DNAI3: variants seen among roughly 807,000 people sequenced by gnomAD.
DNAI3 encodes the protein dynein axonemal intermediate chain 3, also known as WD repeat domain 63.
DNAI3 carries 83 observed loss-of-function variants against 115.5 expected under a neutral mutation model. The observed-to-expected ratio is 0.72, with a 90% CI of 0.60 to 0.86. The LOEUF (loss-of-function observed/expected upper bound fraction) is 0.86. DNAI3 is among the 40% of genes least tolerant of loss of function. The pLI is 0.00. For synonymous variants in DNAI3, 320 were observed against 347.0 expected (o/e 0.92, Z 0.86); for missense variants, 1,004 against 1,075.8 (o/e 0.93, Z 0.93).
In DNAI3 at chr1:85,126,535, T is replaced by C. The variant is rs1387564252; in HGVS notation, c.2137T>C (p.Cys713Arg). 1.9e-6 allele frequency: 3 copies of C among 1,614,020 alleles called. No homozygotes were observed. Among genetic ancestry groups the C allele is most frequent in the South Asian group, 1.1e-5 (1 of 91,090 alleles). Residue 713 changes from cysteine (C) to arginine (R), a missense_variant, in exon 20 of 23, where the codon TGT becomes CGT. Around this residue, in one of 3 missense-constraint regions of DNAI3, gnomAD observed 429 missense variants for 454.3 expected, o/e 0.94. Coordinates refer to ENST00000294664, the MANE Select transcript of DNAI3 (RefSeq NM_145172.5). ...VMTGPLLQSC[C>R]APKRYTSGHW... is the part of the protein sequence containing the mutation. ...GACTGGACCGCTCCTTCAGTCATGC[T>C]GTGCACCAAAAAGGTACACCTCAGG... is the stretch of plus-strand genomic sequence containing the variant.
Position 85,126,569 on chromosome 1 carries a change from C to T in DNAI3, c.2171C>T (p.Ser724Phe), listed in dbSNP as rs1656146788. Residue 724 changes from serine (S) to phenylalanine (F), a missense_variant, in exon 20 of 23, where the codon TCC becomes TTC. By Grantham distance (155) the Ser-to-Phe change is radical. Around this residue, in one of 3 missense-constraint regions of DNAI3, gnomAD observed 429 missense variants for 454.3 expected, o/e 0.94. Transcript: ENST00000294664. The part of the protein sequence containing the change: ...APKRYTSGHW[S>F]LTRPGVFYIG... ...AAAAGGTACACCTCAGGCCACTGGT[C>T]CCTGACTCGGCCCGGAGTTTTCTAC... is the stretch of plus-strand genomic sequence containing the variant. The T allele has an allele frequency of 1.2e-6, 2 of 1,614,014 alleles. No homozygotes were observed. The highest frequency in any genetic ancestry group is 1.3e-5 in the African/African-American group (1 of 74,916).
chr1:85,071,973 G>T lies in DNAI3; in HGVS notation c.32G>T (p.Arg11Leu), dbSNP rs577745308. 2.5e-6 allele frequency: 4 copies of T among 1,611,054 alleles called. No individual in the cohort carries two copies. In the South Asian group the frequency reaches 4.4e-5, roughly 18 times the overall value. ...CCAAAACAAAAGAAAAAGACATCAC[G>T]TGGCAAAAAAAGACTAAAACCAGTA... Reference protein sequence around the residue: MAPKQKKKTSRGKKRLKPVLA... With the variant: MAPKQKKKTSLGKKRLKPVLA... Residue 11 changes from arginine to leucine, a missense_variant, in exon 2 of 23, where the codon CGT becomes CTT. Physicochemically the swap from Arg to Leu is moderately radical, Grantham distance 102. Around this residue, in one of 3 missense-constraint regions of DNAI3, gnomAD observed 550 missense variants for 568.1 expected, o/e 0.97. Coordinates refer to ENST00000294664, the MANE Select transcript of DNAI3 (RefSeq NM_145172.5).
At chr1:85,122,553 G>A (rs553282359) in intron 18 of DNAI3, among the ~76,000 whole-genome samples, 1 of 152,164 alleles carries the variant, frequency 6.6e-6, no homozygotes, top group Non-Finnish European at 1.5e-5. Flanking sequence ...TTCACAGTTT[G>A]GGATAACCAT....
intron 8 of DNAI3, among the ~76,000 whole-genome samples, chr1:85,091,978 A>G (rs1654990412): frequency 6.6e-6 from 1 of 152,256 alleles, no homozygotes; most frequent in African/African-American, 2.4e-5. Flanking sequence ...ATTTGGGCTT[A>G]ACCAGAAAGA....
intron 3 of DNAI3, among the ~76,000 whole-genome samples, chr1:85,077,644 A>G (rs1362729419): frequency 6.6e-6 from 1 of 152,158 alleles, no homozygotes; most frequent in Non-Finnish European, 1.5e-5. Flanking sequence ...TGACAAGAAA[A>G]CAGCTTAGTG....
chr1:85,083,561 C>T (rs1347891863), intron 5 of DNAI3, among the ~76,000 whole-genome samples: 1 of 151,822 alleles, frequency 6.6e-6, no homozygotes, highest in African/African-American at 2.4e-5. Context: ...TTAACATTTT[C>T]AATTTTATTT....
intron 1 of DNAI3, among the ~76,000 whole-genome samples, chr1:85,068,876 G>A (rs1654178679): frequency 6.6e-6 from 1 of 152,176 alleles, no homozygotes. Context: ...CAGTGCCAAG[G>A]AGAAAGTTAG....
chr1:85,126,402 G>C (rs1361151095), intron 19 of DNAI3, 109 bp from the exon 20 acceptor site: 9 of 1,175,446 alleles, frequency 7.7e-6, no homozygotes, highest in Admixed American at 2.8e-5. Context: ...TAATTTTGTT[G>C]TTATATGATC....
chr1:85,113,369 A>G (rs1655714956), intron 16 of DNAI3, among the ~76,000 whole-genome samples: 1 of 152,056 alleles, frequency 6.6e-6, no homozygotes, highest in Non-Finnish European at 1.5e-5. Context: ...TAGGGCTATG[A>G]TTTCTTTTGA....
intron 1 of DNAI3, among the ~76,000 whole-genome samples, chr1:85,065,135 A>C (rs1654054959): frequency 6.6e-6 from 1 of 152,178 alleles, no homozygotes; most frequent in Admixed American, 6.5e-5. Context: ...AGATGAGGTC[A>C]GCTAATTGAA....
chr1:85,110,083 CT>C lies in DNAI3; in HGVS notation c.1735del (p.Cys579ValfsTer5). 6.2e-7 allele frequency: 1 copy of C among 1,613,362 alleles called. No homozygotes were observed. The highest frequency in any genetic ancestry group is 8.5e-7 in the Non-Finnish European group (1 of 1,179,692). The stretch of plus-strand genomic sequence containing the variant: ...CCAAGGGTGAAACAAGTTTAGACCA[CT>C]GTCCAACCAAGATAAGCCTGAATGA... ...LSKGETSLDH[C>X]PTKISLNEDH... On this transcript the variant is annotated frameshift_variant, in exon 16 of 23. Coordinates refer to ENST00000294664, the MANE Select transcript of DNAI3 (RefSeq NM_145172.5). LOFTEE classifies it high-confidence loss of function.
Position 85,072,058 on chromosome 1 carries a change from A to G in DNAI3, c.64+53A>G, listed in dbSNP as rs1654292923. On this transcript the variant is annotated intron_variant, in intron 2 of 22. Coordinates refer to ENST00000294664, the MANE Select transcript of DNAI3 (RefSeq NM_145172.5). ...TTTTTTGTGGAGTATTTGTGTATAT[A>G]TTAGCAGCAAAATGATTATGGTTTT... is the stretch of plus-strand genomic sequence containing the variant. The G allele has an allele frequency of 2.0e-6, 3 of 1,496,964 alleles. No homozygotes were observed. In the South Asian group the frequency reaches 3.6e-5, roughly 18 times the overall value. 92.7% of individuals were successfully genotyped at this position (1,496,964 alleles called of 1,614,324 possible). A position where few individuals can be genotyped will look rare whatever the true frequency, so the allele number is the denominator to read the frequency against.
intron 22 of DNAI3, 180 bp downstream of exon 22, chr1:85,130,292 T>A (rs1020771): frequency 7.4e-6 from 6 of 809,964 alleles, no homozygotes; most frequent in Non-Finnish European, 9.4e-6. Context: ...AGACACGTAG[T>A]GAGATTCTGT....
chr1:85,132,618 A>C (rs568709640), intron 22 of DNAI3, among the ~76,000 whole-genome samples: 1 of 151,366 alleles, frequency 6.6e-6, no homozygotes, highest in Non-Finnish European at 1.5e-5. Flanking sequence ...GAAGGCCGGA[A>C]AAAGGGACTT....
intron 13 of DNAI3, among the ~76,000 whole-genome samples, chr1:85,101,875 C>G (rs1014947764): frequency 2.6e-5 from 4 of 150,992 alleles, no homozygotes; most frequent in African/African-American, 9.8e-5. Context: ...TTGACAGATT[C>G]AAAATATACA....
Position 85,132,664 on chromosome 1 carries a change from C to T in DNAI3, c.2533-191C>T, listed in dbSNP as rs570573448. On this transcript the variant is annotated intron_variant, in intron 22 of 22. Transcript: ENST00000294664. ...GACAGTGGTTGGGGACCATGTTTCC[C>T]CCCACTCCCTCCTTTCCCAGCACAT... Among the ~76,000 whole-genome samples the T allele has an allele frequency of 3.9e-5, 6 of 152,114 alleles. No homozygotes were observed. In the South Asian group the frequency reaches 1.2e-3, roughly 32 times the overall value.
At chr1:85,070,871 T>TA (rs5775814) in intron 1 of DNAI3, among the ~76,000 whole-genome samples, 2 of 152,064 alleles carry the variant, frequency 1.3e-5, no homozygotes, top group African/African-American at 4.8e-5. Flanking sequence ...TTTTATCATT[T>TA]AAAAAAAATT....
At chr1:85,108,276 C>A (rs1413789743) in intron 15 of DNAI3, 99 bp downstream of exon 15, 21 of 1,275,464 alleles carry the variant, frequency 1.6e-5, no homozygotes, top group East Asian at 1.0e-4. Context: ...AAAAGTAGAG[C>A]AGCTCAGATT....
chr1:85,083,135 G>T (rs1654682311), intron 5 of DNAI3, among the ~76,000 whole-genome samples: 1 of 152,170 alleles, frequency 6.6e-6, no homozygotes, highest in Non-Finnish European at 1.5e-5. Context: ...GTTTGAGGAT[G>T]ACAGAGAGGT....
Sources: gnomAD v4.1 joint callset for allele counts (sites outside exome capture counted in the v4.1 genomes callset) on GRCh38, gnomAD v4.1.1 for gene constraint, gnomAD v4.1.1 regional missense constraint, MANE v1.5 for transcripts, NCBI Gene and HGNC (gene_info 2026-07-23, HGNC 2026-07-21) for gene names.